EPG5: variants seen among roughly 807,000 people sequenced by gnomAD.
EPG5 encodes the protein ectopic P granules protein 5 homolog.
In EPG5, 159 loss-of-function variants were observed where a neutral mutation model predicts 302.7. The ratio of observed to expected loss-of-function variants is 0.53; its 90% CI spans 0.46 to 0.60. The LOEUF is 0.60. Ranked by LOEUF, EPG5 falls within the 20% of genes least tolerant of loss-of-function variation. EPG5 has a pLI of 0.00. For synonymous variants in EPG5, 1,158 were observed against 1,136.8 expected (o/e 1.02, Z -0.37); for missense variants, 2,896 against 3,092.4 (o/e 0.94, Z 1.51).
the EPG5 span, chr18:45,838,511 T>C: frequency 1.4e-6 from 1 of 704,504 alleles, no homozygotes; most frequent in Non-Finnish European, 2.2e-6. Context: ...GCAACTGCTA[T>C]CATGATCCTC....
chr18:45,963,446 G>C (rs899009459), intron 1 of EPG5, among the ~76,000 whole-genome samples: 1 of 152,166 alleles, frequency 6.6e-6, no homozygotes, highest in Non-Finnish European at 1.5e-5. Context: ...AGAAGAGCCT[G>C]GCCAACGTGG....
At chr18:45,894,045 T>C (rs2049412715) in intron 27 of EPG5, among the ~76,000 whole-genome samples, 1 of 152,204 alleles carries the variant, frequency 6.6e-6, no homozygotes, top group African/African-American at 2.4e-5. Flanking sequence ...TCCCTGACCT[T>C]GTGTAACTCA....
the EPG5 span, chr18:45,838,830 C>T: frequency 1.3e-6 from 2 of 1,566,302 alleles, no homozygotes; most frequent in Non-Finnish European, 1.7e-6. Context: ...CCGGCCCGGC[C>T]CTGGGCAACA....
chr18:45,865,869 G>A (rs1324559388), intron 38 of EPG5, 110 bp from the exon 39 acceptor site: 2 of 1,268,202 alleles, frequency 1.6e-6, no homozygotes, highest in Non-Finnish European at 2.2e-6. Context: ...AGGGAGTAGA[G>A]GGGACAGAAC....
intron 6 of EPG5, among the ~76,000 whole-genome samples, chr18:45,947,392 A>AG (rs1200180088): frequency 7.9e-5 from 12 of 152,100 alleles, no homozygotes; most frequent in African/African-American, 2.4e-4. Flanking sequence ...CAGCCTAGCG[A>AG]AAGAGAGAGA....
intron 35 of EPG5, 135 bp downstream of exon 35, chr18:45,876,101 T>C (rs1172666552): frequency 3.0e-5 from 19 of 625,250 alleles, no homozygotes; most frequent in Admixed American, 2.3e-4. Context: ...CACTAAATAA[T>C]TGTATCAGCG....
At chr18:45,870,458 A>G in intron 36 of EPG5, 109 bp downstream of exon 36, 9 of 863,292 alleles carry the variant, frequency 1.0e-5, no homozygotes, top group Non-Finnish European at 1.5e-5. Flanking sequence ...GAATGTATTC[A>G]TGGTCCACGC....
chr18:45,894,001 A>G (rs757046150), intron 27 of EPG5, among the ~76,000 whole-genome samples: 2 of 152,154 alleles, frequency 1.3e-5, no homozygotes, highest in African/African-American at 2.4e-5. Flanking sequence ...TGACTGTATG[A>G]GGCACTGATG....
At chr18:45,918,630 A>C (rs2050083833) in intron 16 of EPG5, among the ~76,000 whole-genome samples, 2 of 152,246 alleles carry the variant, frequency 1.3e-5, no homozygotes, top group South Asian at 4.1e-4. Context: ...TCTAAAACTG[A>C]GAGGTTGAAA....
At chr18:45,961,954 G>A (rs1006226853) in intron 1 of EPG5, among the ~76,000 whole-genome samples, 7 of 150,140 alleles carry the variant, frequency 4.7e-5, no homozygotes, top group Non-Finnish European at 8.9e-5. Flanking sequence ...TTTCCATAGC[G>A]CTTATAAAGC....
At chr18:45,950,954 T>C (rs1005647023) in intron 4 of EPG5, 148 bp downstream of exon 4, 6 of 499,668 alleles carry the variant, frequency 1.2e-5, no homozygotes, top group Non-Finnish European at 2.0e-5. Context: ...CTTACTACCA[T>C]GTATCATGAT....
chr18:45,865,553 G>A, intron 39 of EPG5, 62 bp downstream of exon 39: 1 of 1,550,162 alleles, frequency 6.5e-7, no homozygotes, highest in Non-Finnish European at 8.9e-7. Flanking sequence ...ATCTCACAGT[G>A]CCTTACGCAC....
rs143970247 is a variant in EPG5, at chr18:45,912,305, G to A, written c.3968C>T (p.Pro1323Leu). The A allele has an allele frequency of 7.1e-5, 114 of 1,599,888 alleles. No individual in the cohort carries two copies. Among genetic ancestry groups the A allele is most frequent in the Middle Eastern group, 1.7e-4 (1 of 5,976 alleles). The change falls in exon 22 of 44, where the codon CCG (proline) becomes CTG (leucine). Residue 1323 changes from proline (P) to leucine (L), a missense_variant. By Grantham distance (98) the Pro-to-Leu change is moderately conservative (BLOSUM62 -3). Coordinates refer to ENST00000282041, the MANE Select transcript of EPG5 (RefSeq NM_020964.3). ...GGCAGCATACCCATACTGTGGTCCC[G>A]GACGGTGAAGATACAGAAGGAAGAA... is the stretch of plus-strand genomic sequence containing the variant. ...QKFFLLYLHR[P>L]GPQYGLPIDG...
chr18:45,837,547 AC>A, the EPG5 span: 1 of 1,517,180 alleles, frequency 6.6e-7, no homozygotes, highest in Non-Finnish European at 8.8e-7. Context: ...TGCAGGTGCC[AC>A]CCGAGGTGAG....
chr18:45,898,509 T>G (rs1219592459), intron 27 of EPG5, among the ~76,000 whole-genome samples: 2 of 152,248 alleles, frequency 1.3e-5, no homozygotes, highest in African/African-American at 4.8e-5. Context: ...AAATTCTGCC[T>G]ATATTCCAGT....
the EPG5 span, among the ~76,000 whole-genome samples, chr18:45,802,563 A>G: frequency 2.0e-5 from 3 of 152,038 alleles, no homozygotes; most frequent in Admixed American, 6.6e-5. Context: ...CTTTCCAGCT[A>G]CATCCAAACT....
intron 1 of EPG5, among the ~76,000 whole-genome samples, chr18:45,959,586 CA>C (rs2051103837): frequency 6.7e-6 from 1 of 149,498 alleles, no homozygotes; most frequent in African/African-American, 2.5e-5. Flanking sequence ...GCGGAGGTTG[CA>C]GTGAGCCAAG....
intron 27 of EPG5, among the ~76,000 whole-genome samples, chr18:45,896,421 G>C (rs11082496): frequency 0.47 from 71,387 of 152,154 alleles, 17,782 homozygotes; most frequent in East Asian, 0.58. Context: ...TTTCTAATGA[G>C]GTTAGGGCCA....
rs1568153124 is a variant in EPG5, at chr18:45,917,709, G to A, written c.3209C>T (p.Pro1070Leu). The A allele has an allele frequency of 6.2e-7, 1 of 1,614,136 alleles. No homozygotes were observed. The highest frequency in any genetic ancestry group is 8.5e-7 in the Non-Finnish European group (1 of 1,179,988). ...VLDKILPLFYPCQYYLLKNEQ... is the reference protein window; with the variant it reads ...VLDKILPLFYLCQYYLLKNEQ... ...ATTCTTCAGAAGGTAATACTGGCAA[G>A]GGTAAAATAAAGGCAGAATCTTATC... Residue 1070 changes from proline to leucine, a missense_variant, in exon 17 of 44, where the codon CCT becomes CTT. Pro to Leu is a moderately conservative substitution (Grantham distance 98, BLOSUM62 -3). Transcript: ENST00000282041.
Sources: allele counts gnomAD v4.1 joint callset (sites outside exome capture counted in the v4.1 genomes callset), GRCh38; gene constraint gnomAD v4.1.1; transcripts MANE v1.5; gene names NCBI Gene and HGNC (gene_info 2026-07-23, HGNC 2026-07-21).